The following VTI1A variants were observed in gnomAD, a reference collection of about 807,000 sequenced individuals.
VTI1A encodes vesicle transport through interaction with t-SNAREs homolog 1A.
VTI1A carries 22 observed loss-of-function variants against 34.9 expected under a neutral mutation model. The ratio of observed to expected loss-of-function variants is 0.63; its 90% confidence interval spans 0.45 to 0.90. The LOEUF is 0.90. VTI1A is among the 40% of genes least tolerant of loss of function. VTI1A has a pLI of 0.00. For synonymous variants in VTI1A, 87 were observed against 97.3 expected (o/e 0.89, Z 0.62); for missense variants, 268 against 275.6 (o/e 0.97, Z 0.20).
intron 7 of VTI1A, among the ~76,000 whole-genome samples, chr10:112,776,541 T>G (rs577693186): frequency 6.6e-6 from 1 of 152,224 alleles, no homozygotes; most frequent in East Asian, 1.9e-4. Flanking sequence ...CGGCCTCCCA[T>G]CTGTGTGAGG....
intron 5 of VTI1A, among the ~76,000 whole-genome samples, chr10:112,603,611 G>C (rs927757941): frequency 7.9e-5 from 12 of 151,976 alleles, no homozygotes; most frequent in African/African-American, 2.7e-4. Flanking sequence ...TTCACACTTT[G>C]GATCTCAAAA....
chr10:112,541,549 T>G (rs1323596444), intron 5 of VTI1A, among the ~76,000 whole-genome samples: 4 of 152,186 alleles, frequency 2.6e-5, no homozygotes, highest in African/African-American at 9.7e-5. Context: ...ATTCATTAAC[T>G]TGATGAATGT....
chr10:112,648,616 G>A (rs1846893813), intron 5 of VTI1A, among the ~76,000 whole-genome samples: 2 of 152,088 alleles, frequency 1.3e-5, no homozygotes, highest in Non-Finnish European at 2.9e-5. Context: ...AATTTATTCT[G>A]CCTTATTCTG....
At chr10:112,602,245 C>T (rs780007960) in intron 5 of VTI1A, among the ~76,000 whole-genome samples, 76 of 152,312 alleles carry the variant, frequency 5.0e-4, no homozygotes, top group Non-Finnish European at 6.6e-4. Context: ...TTGACCTCAA[C>T]CTTGCTTGCT....
chr10:112,539,853 A>C (rs552631172), intron 5 of VTI1A, among the ~76,000 whole-genome samples: 14 of 152,244 alleles, frequency 9.2e-5, no homozygotes, highest in Non-Finnish European at 2.1e-4. Context: ...TTGACGATCT[A>C]CAGGCATTTA....
intron 3 of VTI1A, among the ~76,000 whole-genome samples, chr10:112,517,650 T>C (rs1849833911): frequency 6.6e-6 from 1 of 152,096 alleles, no homozygotes; most frequent in Admixed American, 6.6e-5. Context: ...GTAGCTTCGA[T>C]ATGATCTGAT....
chr10:112,654,795 C>T (rs1447488258), intron 5 of VTI1A, among the ~76,000 whole-genome samples: 1 of 152,096 alleles, frequency 6.6e-6, no homozygotes, highest in Non-Finnish European at 1.5e-5. Context: ...TCTTTTTATA[C>T]TTTTCTCCAT....
At chr10:112,786,960 A>G (rs1755191587) in intron 7 of VTI1A, among the ~76,000 whole-genome samples, 1 of 152,188 alleles carries the variant, frequency 6.6e-6, no homozygotes, top group Non-Finnish European at 1.5e-5. Flanking sequence ...ATTTTCTAAG[A>G]GGATTTGTGT....
In VTI1A at chr10:112,817,064, A is replaced by G; in HGVS notation, c.*1681A>G. 1 of 232,554 alleles carries G rather than the reference A, an allele frequency of 4.3e-6. No individual in the cohort carries two copies. Among genetic ancestry groups the G allele is most frequent in the Non-Finnish European group, 8.5e-6 (1 of 117,588 alleles). 14.4% of individuals were successfully genotyped at this position (232,554 alleles called of 1,614,324 possible). A position where few individuals can be genotyped will look rare whatever the true frequency, so the allele number is the denominator to read the frequency against. On this transcript the variant is annotated 3_prime_UTR_variant, in exon 8 of 8. Transcript: ENST00000393077. ...CCTGTCAGCTTAAGGGATCCGTCTCAGCAAGAATCTTGTATTCTGATAACG... is the reference window on the plus strand; with the variant it reads ...CCTGTCAGCTTAAGGGATCCGTCTCGGCAAGAATCTTGTATTCTGATAACG...
At chr10:112,773,313 G>A (rs1271811270) in intron 7 of VTI1A, among the ~76,000 whole-genome samples, 1 of 152,104 alleles carries the variant, frequency 6.6e-6, no homozygotes, top group South Asian at 2.1e-4. Context: ...ATAGTACCTG[G>A]TACCTAGTTG....
intron 5 of VTI1A, among the ~76,000 whole-genome samples, chr10:112,629,502 A>G (rs528122573): frequency 1.3e-5 from 2 of 152,346 alleles, no homozygotes; most frequent in East Asian, 1.9e-4. Flanking sequence ...TTTTAAAAAC[A>G]GGACCTTTTT....
intron 3 of VTI1A, among the ~76,000 whole-genome samples, chr10:112,501,721 T>G (rs1849248479): frequency 6.6e-6 from 1 of 150,996 alleles, no homozygotes; most frequent in Non-Finnish European, 1.5e-5. Flanking sequence ...TGTTTGCTTT[T>G]AAATTGAATA....
chr10:112,523,319 T>G (rs948093712), intron 3 of VTI1A, among the ~76,000 whole-genome samples: 2 of 152,132 alleles, frequency 1.3e-5, no homozygotes, highest in Non-Finnish European at 2.9e-5. Context: ...GAAAATCGCC[T>G]TGAATCCGAA....
intron 3 of VTI1A, among the ~76,000 whole-genome samples, chr10:112,470,235 A>C (rs1848031106): frequency 6.6e-6 from 1 of 152,188 alleles, no homozygotes; most frequent in South Asian, 2.1e-4. Flanking sequence ...CAGAGAATGA[A>C]AAATAATAGT....
At chr10:112,798,755 C>A (rs188765283) in intron 7 of VTI1A, among the ~76,000 whole-genome samples, 2 of 152,168 alleles carry the variant, frequency 1.3e-5, no homozygotes, top group African/African-American at 4.8e-5. Flanking sequence ...ATTTGTTCTC[C>A]GGAAGATCAC....
At chr10:112,651,084 C>A (rs1846996921) in intron 5 of VTI1A, among the ~76,000 whole-genome samples, 1 of 152,142 alleles carries the variant, frequency 6.6e-6, no homozygotes, top group Non-Finnish European at 1.5e-5. Context: ...GCTTAACCAA[C>A]ATTTAAGGCC....
chr10:112,786,521 A>G (rs1456516474), intron 7 of VTI1A, among the ~76,000 whole-genome samples: 1 of 152,178 alleles, frequency 6.6e-6, no homozygotes, highest in Non-Finnish European at 1.5e-5. Context: ...CCTATCCCCA[A>G]TCAGAAAGAA....
At chr10:112,520,165 C>T (rs1193452309) in intron 3 of VTI1A, among the ~76,000 whole-genome samples, 1 of 151,944 alleles carries the variant, frequency 6.6e-6, no homozygotes, top group Non-Finnish European at 1.5e-5. Flanking sequence ...TATCAAAAGA[C>T]TTTAAAGGAT....
intron 7 of VTI1A, among the ~76,000 whole-genome samples, chr10:112,702,820 A>G (rs1849058043): frequency 2.0e-5 from 3 of 152,192 alleles, no homozygotes; most frequent in African/African-American, 7.2e-5. Flanking sequence ...TCCTAGGCTC[A>G]ATGGATCCAC....
Sources: allele counts gnomAD v4.1 joint callset (sites outside exome capture counted in the v4.1 genomes callset), GRCh38; gene constraint gnomAD v4.1.1; transcripts MANE v1.5; gene names NCBI Gene and HGNC (gene_info 2026-07-23, HGNC 2026-07-21).